ACSBG2: variants seen among roughly 807,000 people sequenced by gnomAD.
ACSBG2 encodes the protein long-chain-fatty-acid--CoA ligase ACSBG2.
Under a neutral mutation model 74.7 loss-of-function variants are expected in ACSBG2, and 62 were observed. The ratio of observed to expected loss-of-function variants is 0.83; its 90% CI spans 0.68 to 1.03. The LOEUF is 1.03. ACSBG2 is among the 50% of genes least tolerant of loss of function. ACSBG2 has a pLI of 0.00. For synonymous variants in ACSBG2, 309 were observed against 294.1 expected, an observed-to-expected ratio of 1.05 and a Z score of -0.52; for missense variants, 730 against 817.6, an observed-to-expected ratio of 0.89 and a Z score of 1.31.
At chr19:6,178,925 C>T (rs143884094) in intron 8 of ACSBG2, among the ~76,000 whole-genome samples, 140 of 152,302 alleles carry the variant, frequency 9.2e-4, no homozygotes, top group African/African-American at 2.9e-3. Context: ...GAGGCATGAA[C>T]GACACCAGAG....
intron 11 of ACSBG2, among the ~76,000 whole-genome samples, chr19:6,186,001 A>G (rs1292665524): frequency 1.3e-5 from 2 of 152,102 alleles, no homozygotes; most frequent in African/African-American, 4.8e-5. Context: ...GGATCCAGCC[A>G]TATCTGAAAG....
At chr19:6,165,559 C>T (rs1350708913) in intron 6 of ACSBG2, among the ~76,000 whole-genome samples, 1 of 152,220 alleles carries the variant, frequency 6.6e-6, no homozygotes, top group African/African-American at 2.4e-5. Context: ...ATTCTGAGCA[C>T]TTTGCATATA....
At chr19:6,176,447 T>A in intron 7 of ACSBG2, 1 of 1,387,330 alleles carries the variant, frequency 7.2e-7, no homozygotes, top group Non-Finnish European at 9.8e-7. Context: ...ACGTGATCTG[T>A]AACATAAGGG....
chr19:6,164,777 G>C (rs1250908859), intron 6 of ACSBG2, among the ~76,000 whole-genome samples: 1 of 152,176 alleles, frequency 6.6e-6, no homozygotes, highest in African/African-American at 2.4e-5. Flanking sequence ...CCAGTGCTTT[G>C]TTGGGGGTTC....
At chr19:6,150,525 A>G (rs900726132) in intron 3 of ACSBG2, among the ~76,000 whole-genome samples, 1 of 152,186 alleles carries the variant, frequency 6.6e-6, no homozygotes, top group African/African-American at 2.4e-5. Context: ...AAAAGGAAGG[A>G]AATTCTGACA....
chr19:6,155,316 TAAATCA>T (rs1198672934), intron 4 of ACSBG2, among the ~76,000 whole-genome samples: 31 of 152,180 alleles, frequency 2.0e-4, no homozygotes, highest in Non-Finnish European at 7.3e-5. Context: ...GATTACAGAC[TAAATCA>T]TGCAAGTTAA....
chr19:6,185,830 C>A (rs2145262698), intron 11 of ACSBG2, among the ~76,000 whole-genome samples, 177 bp downstream of exon 11: 1 of 152,266 alleles, frequency 6.6e-6, no homozygotes, highest in South Asian at 2.1e-4. Context: ...AAACAGTTAC[C>A]CCTTGGTCAC....
chr19:6,190,537 A>G, intron 13 of ACSBG2, 47 bp from the exon 14 acceptor site: 1 of 1,555,162 alleles, frequency 6.4e-7, no homozygotes, highest in Non-Finnish European at 8.9e-7. Flanking sequence ...GGTGTGTGTA[A>G]TTTTCTTTTA....
intron 14 of ACSBG2, 54 bp from the exon 15 acceptor site, chr19:6,192,614 A>G (rs1367714036): frequency 6.6e-6 from 1 of 152,170 alleles, no homozygotes; most frequent in East Asian, 1.9e-4. Flanking sequence ...TGGAGACTGA[A>G]TGCACATATT....
In ACSBG2 at chr19:6,178,373, C is replaced by CATTATTATTATT. The variant is rs112104021; in HGVS notation, c.906+990_906+1001dup. 2.7e-3 allele frequency among the ~76,000 whole-genome samples: 404 copies of CATTATTATTATT among 151,018 alleles called. 5 individuals are homozygous for CATTATTATTATT. The highest frequency in any genetic ancestry group is 9.5e-3 in the African/African-American group (387 of 40,934). On this transcript the variant is annotated intron_variant, in intron 8 of 14. Transcript: ENST00000588485. Reference sequence around the variant, plus strand: ...TCTCCAAATGTTCAAATATTCATTGCATTATTATTATTATTATTATTATTT... The same window carrying CATTATTATTATT: ...TCTCCAAATGTTCAAATATTCATTGCATTATTATTATTATTATTATTATTATTATTATTATTT...
chr19:6,151,780 G>C lies in ACSBG2; in HGVS notation c.371G>C (p.Gly124Ala). ...GCAGAGTGGTTTATCACTGCTGTTG[G>C]TGCCATCCTAGCCGGGTAAGGTCAT... ...NSAEWFITAV[G>A]AILAGGLCVG... The change falls in exon 4 of 15, where the codon GGT becomes GCT. Residue 124 changes from glycine (G) to alanine (A), a missense_variant. Transcript: ENST00000588485. 1 of 1,596,724 alleles carries C rather than the reference G, an allele frequency of 6.3e-7. No individual in the cohort carries two copies. Among genetic ancestry groups the C allele is most frequent in the Non-Finnish European group, 8.5e-7 (1 of 1,171,378 alleles).
chr19:6,179,290 T>TA, intron 8 of ACSBG2, among the ~76,000 whole-genome samples: 1 of 131,274 alleles, frequency 7.6e-6, no homozygotes, highest in South Asian at 2.6e-4. Flanking sequence ...ATTTCTTTTC[T>TA]AAATTTTTTT....
chr19:6,169,105 G>T (rs2089895841), intron 7 of ACSBG2, among the ~76,000 whole-genome samples: 1 of 152,194 alleles, frequency 6.6e-6, no homozygotes, highest in African/African-American at 2.4e-5. Flanking sequence ...TTGATGCACA[G>T]TTGCAAATAT....
intron 4 of ACSBG2, among the ~76,000 whole-genome samples, chr19:6,152,299 T>G (rs1415375883): frequency 1.8e-4 from 13 of 71,608 alleles, no homozygotes; most frequent in African/African-American, 5.2e-4. Flanking sequence ...TTTTTTTTTT[T>G]TTGAGACGGA....
intron 6 of ACSBG2, among the ~76,000 whole-genome samples, chr19:6,162,082 A>G (rs1207007389): frequency 6.6e-6 from 1 of 152,102 alleles, no homozygotes; most frequent in Non-Finnish European, 1.5e-5. Context: ...CCTGGTCAAC[A>G]TGGTGAAACA....
intron 2 of ACSBG2, among the ~76,000 whole-genome samples, chr19:6,142,519 G>C (rs958737706): frequency 2.0e-5 from 3 of 152,024 alleles, no homozygotes; most frequent in African/African-American, 7.2e-5. Context: ...GTGGGAGGCC[G>C]AGACAGGCGG....
rs1400002310 is a variant in ACSBG2 at position 6,190,620 on chromosome 19, A to C, written c.1964A>C (p.Gln655Pro). 3 of 1,614,134 alleles carry C rather than the reference A, an allele frequency of 1.9e-6. No homozygotes were observed. The Admixed American group carries it at 5.0e-5, about 27-fold the overall frequency. ...MMKLKRHFVA[Q>P]KYKKQIDHMY... is the part of the protein sequence containing the mutation. ...AAACTTAAGAGACATTTTGTAGCCCAGAAATACAAAAAACAAATTGATCAC... is the reference window on the plus strand; with the variant it reads ...AAACTTAAGAGACATTTTGTAGCCCCGAAATACAAAAAACAAATTGATCAC... Residue 655 changes from glutamine to proline, a missense_variant, in exon 14 of 15, where the codon CAG (glutamine) becomes CCG (proline). By Grantham distance (76) the Gln-to-Pro change is moderately conservative. Transcript: ENST00000588485.
chr19:6,190,812 T>A (rs35121049), intron 14 of ACSBG2, 120 bp downstream of exon 14: 1 of 335,284 alleles, frequency 3.0e-6, no homozygotes, highest in Non-Finnish European at 5.8e-6. Flanking sequence ...CACACATACA[T>A]ACACACACAC....
In ACSBG2 at chr19:6,147,626, T is replaced by C. The variant is rs747985013; in HGVS notation, c.248T>C (p.Phe83Ser). The C allele has an allele frequency of 1.2e-5, 20 of 1,614,102 alleles. No homozygotes were observed. The highest frequency in any genetic ancestry group is 1.6e-5 in the Non-Finnish European group (19 of 1,180,046). Residue 83 changes from phenylalanine (F) to serine (S), a missense_variant, in exon 3 of 15, where the codon TTC (phenylalanine) becomes TCC (serine). Phe to Ser is a radical substitution (Grantham distance 155). Coordinates refer to ENST00000588485, the MANE Select transcript of ACSBG2 (RefSeq NM_030924.5). ...GGCAAAAAGTGGGAAATTCTGAATT[T>C]CAACCAGTACTATGAGGCTTGTCGG... ...KNGKKWEILN[F>S]NQYYEACRKA...
Sources: gnomAD v4.1 joint callset for allele counts (sites outside exome capture counted in the v4.1 genomes callset) on GRCh38, gnomAD v4.1.1 for gene constraint, MANE v1.5 for transcripts, NCBI Gene and HGNC (gene_info 2026-07-23, HGNC 2026-07-21) for gene names.